The following DIAPH1 variants were observed in gnomAD, a reference collection of about 807,000 sequenced individuals.
DIAPH1 encodes diaphanous related formin 1, also known as protein diaphanous homolog 1.
DIAPH1 carries 46 observed loss-of-function variants against 140.7 expected under a neutral mutation model. The ratio of observed to expected loss-of-function variants is 0.33; its 90% CI spans 0.26 to 0.42. The LOEUF (loss-of-function observed/expected upper bound fraction) is 0.42, where lower values mean the gene tolerates loss of function less well. Ranked by LOEUF, DIAPH1 falls within the 10% of genes least tolerant of loss-of-function variation. The probability of loss-of-function intolerance (pLI) is 1.00; values close to 1 mark genes in which losing one functional copy is unlikely to be tolerated. For missense variants in DIAPH1, 1,310 were observed against 1,558.7 expected, an observed-to-expected ratio of 0.84 and a Z score of 2.69; for synonymous variants, 565 against 551.6, an observed-to-expected ratio of 1.02 and a Z score of -0.34.
intron 15 of DIAPH1, 85 bp from the exon 16 acceptor site, chr5:141,574,293 C>G (rs1232367483): frequency 1.3e-5 from 18 of 1,335,406 alleles, no homozygotes; most frequent in Non-Finnish European, 1.9e-5. Flanking sequence ...ACTACTTAAT[C>G]CAAACTTCTC....
intron 18 of DIAPH1, among the ~76,000 whole-genome samples, chr5:141,542,528 T>C (rs972906147): frequency 6.6e-6 from 1 of 152,040 alleles, no homozygotes; most frequent in Admixed American, 6.6e-5. Context: ...TAAAAAGTAA[T>C]GAGCTACTGA....
intron 1 of DIAPH1, among the ~76,000 whole-genome samples, chr5:141,616,544 C>A (rs1417993022): frequency 6.6e-6 from 1 of 152,176 alleles, no homozygotes; most frequent in African/African-American, 2.4e-5. Context: ...CACCCACCCA[C>A]GTATACATAC....
chr5:141,538,065 G>GT (rs769204262), intron 18 of DIAPH1, among the ~76,000 whole-genome samples: 44,073 of 132,828 alleles, frequency 0.33, 7,446 homozygotes, highest in South Asian at 0.42. Flanking sequence ...CTGTTTTTTT[G>GT]TTTTTTTTTT....
At chr5:141,602,219 A>G (rs553526806) in intron 1 of DIAPH1, among the ~76,000 whole-genome samples, 2 of 152,150 alleles carry the variant, frequency 1.3e-5, no homozygotes, top group East Asian at 3.9e-4. Flanking sequence ...TGCCACAAAA[A>G]AAAATTTTTT....
In DIAPH1 at chr5:141,516,275, G is replaced by A; in HGVS notation, c.*576C>T. 1 of 167,350 alleles carries A rather than the reference G, an allele frequency of 6.0e-6. No homozygotes were observed. Among genetic ancestry groups the A allele is most frequent in the Non-Finnish European group, 1.3e-5 (1 of 75,778 alleles). The allele number at this position is 167,350 out of a possible 1,614,324, so 10.4% of individuals were successfully genotyped here. ...CTTTGGAGGCCTTTCCCAGGAAGGTGGGGTAAAGGTGGGATTTGCTCCCTG... is the reference window on the plus strand; with the variant it reads ...CTTTGGAGGCCTTTCCCAGGAAGGTAGGGTAAAGGTGGGATTTGCTCCCTG... On this transcript the variant is annotated 3_prime_UTR_variant, in exon 28 of 28. Coordinates refer to ENST00000389054, the MANE Select transcript of DIAPH1 (RefSeq NM_005219.5).
chr5:141,518,999 AC>A lies in DIAPH1; in HGVS notation c.3662-1992del, dbSNP rs1234434286. On this transcript the variant is annotated intron_variant, in intron 27 of 27. Coordinates refer to ENST00000389054, the MANE Select transcript of DIAPH1 (RefSeq NM_005219.5). ...TTCCCAGGGGCACAAGAGGTTGTCT[AC>A]CAAGAGGAGAAAGAATAGTGAAGAC... The A allele has an allele frequency of 1.9e-6, 3 of 1,550,504 alleles. No individual in the cohort carries two copies. In the African/African-American group the frequency reaches 4.1e-5, roughly 21 times the overall value.
intron 6 of DIAPH1, 137 bp downstream of exon 6, chr5:141,583,069 A>G: frequency 1.2e-6 from 1 of 804,402 alleles, no homozygotes; most frequent in Non-Finnish European, 2.2e-6. Context: ...CACCACTATG[A>G]TAAACCCCTT....
chr5:141,562,613 AAAAAAACAAAC>A (rs1183498875), intron 18 of DIAPH1, among the ~76,000 whole-genome samples: 5 of 123,960 alleles, frequency 4.0e-5, no homozygotes, highest in Non-Finnish European at 9.2e-5. Context: ...ATGCAAAAAA[AAAAAAACAAAC>A]AAAAAAAAAC....
In DIAPH1 at chr5:141,574,084, G is replaced by C. The variant is rs953769579; in HGVS notation, c.1766C>G (p.Pro589Arg). 3.1e-6 allele frequency: 5 copies of C among 1,612,962 alleles called. No homozygotes were observed. In the African/African-American group the frequency reaches 4.0e-5, roughly 13 times the overall value. ...TGGAATAATAGTGCCAGAGTCACCA[G>C]GTAAAGGAGGGGCAGGGGGAACAGG... The part of the protein sequence containing the change: ...RAPVPPAPPL[P>R]GDSGTIIPPP... The change falls in exon 16 of 28, where the codon CCT (proline) becomes CGT (arginine). Residue 589 changes from proline to arginine, a missense_variant. Pro to Arg is a moderately radical substitution (Grantham distance 103, BLOSUM62 -2). Around this residue, in one of 3 missense-constraint regions of DIAPH1, gnomAD observed 589 missense variants for 549.3 expected, o/e 1.07. Coordinates refer to ENST00000389054, the MANE Select transcript of DIAPH1 (RefSeq NM_005219.5).
chr5:141,593,940 C>A (rs1485972725), intron 1 of DIAPH1, among the ~76,000 whole-genome samples: 8 of 152,204 alleles, frequency 5.3e-5, no homozygotes, highest in African/African-American at 1.9e-4. Flanking sequence ...GCTGGGATTA[C>A]AGGCGCATGC....
At chr5:141,537,361 TA>T (rs1279207968) in intron 18 of DIAPH1, among the ~76,000 whole-genome samples, 3 of 151,784 alleles carry the variant, frequency 2.0e-5, no homozygotes, top group Non-Finnish European at 4.4e-5. Context: ...CACATGCCTG[TA>T]ATCCCAGCTA....
At chr5:141,602,535 A>G (rs2099900312) in intron 1 of DIAPH1, among the ~76,000 whole-genome samples, 2 of 152,196 alleles carry the variant, frequency 1.3e-5, no homozygotes, top group African/African-American at 4.8e-5. Context: ...AATTTATCAC[A>G]TTTCCACTAA....
chr5:141,576,485 T>C (rs1161670720), intron 13 of DIAPH1, among the ~76,000 whole-genome samples, 191 bp from the exon 14 acceptor site: 1 of 152,226 alleles, frequency 6.6e-6, no homozygotes, highest in Non-Finnish European at 1.5e-5. Context: ...GCCACCATGC[T>C]GGGTGGCAAG....
chr5:141,548,043 T>C (rs900984631), intron 18 of DIAPH1, among the ~76,000 whole-genome samples: 3 of 151,736 alleles, frequency 2.0e-5, no homozygotes, highest in African/African-American at 7.3e-5. Context: ...ACAAAACAAC[T>C]AAAAAATTAG....
chr5:141,556,695 A>G (rs2099892641), intron 18 of DIAPH1, among the ~76,000 whole-genome samples: 1 of 151,810 alleles, frequency 6.6e-6, no homozygotes. Context: ...TTATTTATTT[A>G]TTTATTTATT....
In DIAPH1 at chr5:141,571,451, T is replaced by C; in HGVS notation, c.2474-15A>G. 6.2e-7 allele frequency: 1 copy of C among 1,610,106 alleles called. No homozygotes were observed. Among genetic ancestry groups the C allele is most frequent in the African/African-American group, 1.3e-5 (1 of 74,758 alleles). ...ACCTTTGGAAGCTTCAGGAGCAAAG[T>C]GCCAGGAGGGAGAAGGCATCCAATA... On this transcript the variant is annotated splice_polypyrimidine_tract_variant and intron_variant, in intron 17 of 27. Transcript: ENST00000389054.
chr5:141,539,091 A>G (rs1051307169), intron 18 of DIAPH1, among the ~76,000 whole-genome samples: 1 of 151,718 alleles, frequency 6.6e-6, no homozygotes, highest in African/African-American at 2.4e-5. Context: ...CTTGACCAAC[A>G]TGGTGAAACC....
At chr5:141,524,891 A>T (rs2099887085) in intron 26 of DIAPH1, 1 of 156,388 alleles carries the variant, frequency 6.4e-6, no homozygotes. Flanking sequence ...CACTGCTCCC[A>T]GCGCCACCTG....
chr5:141,578,995 G>A, intron 9 of DIAPH1, 93 bp downstream of exon 9: 2 of 911,068 alleles, frequency 2.2e-6, no homozygotes, highest in Non-Finnish European at 3.7e-6. Context: ...ATAGTTGGGA[G>A]GCACTCCATG....
Sources: allele counts gnomAD v4.1 joint callset (sites outside exome capture counted in the v4.1 genomes callset), GRCh38; gene constraint gnomAD v4.1.1; regional missense constraint gnomAD v4.1.1; transcripts MANE v1.5; gene names NCBI Gene and HGNC (gene_info 2026-07-23, HGNC 2026-07-21).